ATF2: variants seen among roughly 807,000 people sequenced by gnomAD.
The protein encoded by ATF2 is activating transcription factor 2.
In ATF2, 24 loss-of-function variants were observed where a neutral mutation model predicts 60.6. That is an observed-to-expected ratio of 0.40 (90% CI 0.29 to 0.56). The LOEUF is 0.56. ATF2 is among the 20% of genes least tolerant of loss of function. ATF2 has a pLI of 0.54. For missense variants in ATF2, 433 were observed against 607.7 expected (o/e 0.71, Z 3.02); for synonymous variants, 206 against 215.4 (o/e 0.96, Z 0.38).
At chr2:175,166,613 C>G (rs1700365405) in intron 1 of ATF2, among the ~76,000 whole-genome samples, 2 of 152,102 alleles carry the variant, frequency 1.3e-5, no homozygotes, top group South Asian at 4.1e-4. Context: ...GACACTTAAA[C>G]CTGTAGGTTT....
At chr2:175,161,737 T>C (rs1401459181) in intron 1 of ATF2, among the ~76,000 whole-genome samples, 1 of 150,980 alleles carries the variant, frequency 6.6e-6, no homozygotes, top group African/African-American at 2.4e-5. Flanking sequence ...GACAGAACTA[T>C]GAAATGTATA....
intron 12 of ATF2, among the ~76,000 whole-genome samples, chr2:175,086,038 AT>A (rs1452367515): frequency 2.0e-5 from 3 of 152,168 alleles, no homozygotes; most frequent in African/African-American, 7.2e-5. Flanking sequence ...CAAATAACCA[AT>A]TTTTTCCACT....
chr2:175,129,206 G>GA (rs1412666939), intron 4 of ATF2, among the ~76,000 whole-genome samples: 2 of 152,216 alleles, frequency 1.3e-5, no homozygotes, highest in Non-Finnish European at 2.9e-5. Flanking sequence ...TATGTGGAGT[G>GA]AAAAAACATA....
chr2:175,107,047 G>A (rs1695721489), intron 10 of ATF2, among the ~76,000 whole-genome samples: 1 of 151,214 alleles, frequency 6.6e-6, no homozygotes, highest in African/African-American at 2.4e-5. Flanking sequence ...ATCACTTGAG[G>A]CTGGGAGATC....
rs528003320 is a variant in ATF2 at position 175,149,005 on chromosome 2, A to T, written c.-44+2055T>A. Among the ~76,000 whole-genome samples, 8 of 152,328 alleles carry T rather than the reference A, an allele frequency of 5.3e-5. No homozygotes were observed. The South Asian group carries it at 1.7e-3, about 32-fold the overall frequency. ...TTCTCAGGGTCTCCTAGGTTGTGTC[A>T]TTAGCCACTGGCTACTCATATTTGG... On this transcript the variant is annotated intron_variant, in intron 2 of 13. Transcript: ENST00000264110.
At chr2:175,157,211 T>C (rs1559125180) in intron 1 of ATF2, among the ~76,000 whole-genome samples, 1 of 152,214 alleles carries the variant, frequency 6.6e-6, no homozygotes, top group Non-Finnish European at 1.5e-5. Context: ...GTATTAACTC[T>C]GAAATCCACT....
chr2:175,107,702 A>G (rs545963261), intron 10 of ATF2, among the ~76,000 whole-genome samples: 65 of 152,214 alleles, frequency 4.3e-4, no homozygotes, highest in Non-Finnish European at 7.9e-4. Flanking sequence ...AGTGCCTGCG[A>G]TTGCAGGCGC....
intron 1 of ATF2, among the ~76,000 whole-genome samples, chr2:175,164,519 G>A (rs1418365747): frequency 1.3e-5 from 2 of 152,180 alleles, no homozygotes; most frequent in African/African-American, 2.4e-5. Context: ...GGAAGCCAGA[G>A]GGAGACTCTG....
At chr2:175,124,327 C>T (rs1697175635) in intron 4 of ATF2, among the ~76,000 whole-genome samples, 1 of 150,460 alleles carries the variant, frequency 6.6e-6, no homozygotes, top group African/African-American at 2.4e-5. Context: ...TAGCAGGTAG[C>T]AATCTCTCTT....
At chr2:175,118,590 G>A (rs1299910533) in intron 5 of ATF2, among the ~76,000 whole-genome samples, 2 of 151,638 alleles carry the variant, frequency 1.3e-5, no homozygotes, top group Non-Finnish European at 3.0e-5. Flanking sequence ...TAGGAAAGAA[G>A]TCCTTTTTGC....
At chr2:175,094,388 A>G (rs936806500) in intron 11 of ATF2, among the ~76,000 whole-genome samples, 1 of 136,094 alleles carries the variant, frequency 7.3e-6, no homozygotes. Context: ...AGCGAGACTC[A>G]GTCTCAAAAA....
At chr2:175,150,979 A>T (rs910752045) in intron 2 of ATF2, 81 bp downstream of exon 2, 2 of 152,600 alleles carry the variant, frequency 1.3e-5, no homozygotes, top group African/African-American at 4.8e-5. Flanking sequence ...GTCTGGAAAC[A>T]TCTACTAAAT....
intron 5 of ATF2, 85 bp downstream of exon 5, chr2:175,121,359 T>G: frequency 1.3e-6 from 1 of 791,794 alleles, no homozygotes; most frequent in African/African-American, 1.8e-5. Flanking sequence ...ATCACCAGAC[T>G]ATATTATTTA....
chr2:175,111,357 C>G (rs940577228), intron 10 of ATF2, among the ~76,000 whole-genome samples: 1 of 152,178 alleles, frequency 6.6e-6, no homozygotes, highest in African/African-American at 2.4e-5. Context: ...AACAGAACTT[C>G]TAATCTGCCA....
intron 4 of ATF2, among the ~76,000 whole-genome samples, chr2:175,122,940 T>G (rs752682633): frequency 1.4e-4 from 21 of 152,186 alleles, no homozygotes; most frequent in Middle Eastern, 3.4e-3. Context: ...AGTCTTTGGA[T>G]TACTTCACAT....
At chr2:175,126,065 A>T (rs943704122) in intron 4 of ATF2, among the ~76,000 whole-genome samples, 2 of 152,130 alleles carry the variant, frequency 1.3e-5, no homozygotes, top group African/African-American at 4.8e-5. Context: ...TTCTCTCTTC[A>T]ACCTACTCCA....
intron 13 of ATF2, among the ~76,000 whole-genome samples, chr2:175,079,062 T>A (rs1398219497): frequency 1.3e-5 from 2 of 152,182 alleles, no homozygotes; most frequent in African/African-American, 2.4e-5. Flanking sequence ...AATGTATTAA[T>A]CTAGATTTTC....
At chr2:175,099,475 C>A (rs1395751197) in intron 10 of ATF2, among the ~76,000 whole-genome samples, 1 of 152,148 alleles carries the variant, frequency 6.6e-6, no homozygotes, top group African/African-American at 2.4e-5. Context: ...AGTTTTACCA[C>A]AATAAAATCC....
intron 9 of ATF2, among the ~76,000 whole-genome samples, chr2:175,113,731 G>C (rs910312430): frequency 1.3e-5 from 2 of 151,612 alleles, no homozygotes; most frequent in African/African-American, 2.4e-5. Flanking sequence ...GTTAATATTT[G>C]AATGCTACAA....
Sources: allele counts gnomAD v4.1 joint callset (sites outside exome capture counted in the v4.1 genomes callset), GRCh38; gene constraint gnomAD v4.1.1; transcripts MANE v1.5; gene names NCBI Gene and HGNC (gene_info 2026-07-23, HGNC 2026-07-21).